The following PDE4D variants were observed in gnomAD, a reference collection of about 807,000 sequenced individuals.
The protein encoded by PDE4D is phosphodiesterase 4D.
In PDE4D, 24 loss-of-function variants were observed where a neutral mutation model predicts 87.4. The observed-to-expected ratio is 0.27, with a 90% CI of 0.20 to 0.39. The LOEUF (loss-of-function observed/expected upper bound fraction) is 0.39, where lower values mean the gene tolerates loss of function less well. PDE4D is among the 10% of genes least tolerant of loss of function. The pLI is 1.00. For synonymous variants in PDE4D, 384 were observed against 383.2 expected (o/e 1.00, Z -0.02); for missense variants, 714 against 1,041.0 (o/e 0.69, Z 4.32).
intron 1 of PDE4D, among the ~76,000 whole-genome samples, chr5:59,618,584 G>GA (rs557276858): frequency 6.6e-6 from 1 of 152,006 alleles, no homozygotes; most frequent in Admixed American, 6.6e-5. Context: ...TTATCCTCTA[G>GA]AAAAAAATGT....
intron 1 of PDE4D, among the ~76,000 whole-genome samples, chr5:60,417,285 G>A (rs564902573): frequency 6.6e-6 from 1 of 152,296 alleles, no homozygotes; most frequent in African/African-American, 2.4e-5. Context: ...GAGATTTAGT[G>A]TACCTCACCC....
At chr5:59,867,953 T>C (rs1747281921) in intron 1 of PDE4D, among the ~76,000 whole-genome samples, 1 of 152,212 alleles carries the variant, frequency 6.6e-6, no homozygotes, top group African/African-American at 2.4e-5. Context: ...AGGGGTTTAC[T>C]GGTCATGAGT....
intron 11 of PDE4D, among the ~76,000 whole-genome samples, chr5:58,984,724 A>G (rs1170702217): frequency 6.6e-6 from 1 of 152,222 alleles, no homozygotes; most frequent in Non-Finnish European, 1.5e-5. Flanking sequence ...CACTAATGTG[A>G]ATAAATCTTT....
intron 1 of PDE4D, among the ~76,000 whole-genome samples, chr5:60,359,238 C>T (rs2149949656): frequency 6.6e-6 from 1 of 152,254 alleles, no homozygotes; most frequent in South Asian, 2.1e-4. Context: ...AAAACCCCAT[C>T]TCCACCAAAA....
chr5:59,037,756 G>A (rs1055871672), intron 6 of PDE4D, among the ~76,000 whole-genome samples: 2 of 151,842 alleles, frequency 1.3e-5, no homozygotes, highest in Admixed American at 1.3e-4. Context: ...TAATAGATAA[G>A]ACAATCAAGT....
chr5:59,974,106 G>C (rs933517919), intron 3 of PDE4D, among the ~76,000 whole-genome samples: 1 of 152,154 alleles, frequency 6.6e-6, no homozygotes, highest in Non-Finnish European at 1.5e-5. Flanking sequence ...CCCGTTTACA[G>C]ACGAATGTTT....
At chr5:59,989,751 G>T (rs549985637) in intron 2 of PDE4D, among the ~76,000 whole-genome samples, 2 of 152,142 alleles carry the variant, frequency 1.3e-5, no homozygotes, top group Admixed American at 6.5e-5. Context: ...TTTCCAAATG[G>T]CTGGAAAGTC....
chr5:59,970,447 C>G (rs193196080), intron 3 of PDE4D, among the ~76,000 whole-genome samples: 2,117 of 152,192 alleles, frequency 0.014, 21 homozygotes, highest in South Asian at 0.023. Context: ...AAAATTTTCG[C>G]AACCTACTCA....
chr5:60,217,237 T>C (rs902669737), intron 1 of PDE4D, among the ~76,000 whole-genome samples: 3 of 151,694 alleles, frequency 2.0e-5, no homozygotes, highest in African/African-American at 7.3e-5. Flanking sequence ...TGGCAGGGGG[T>C]TGCCAGACAA....
chr5:60,521,924 C>G (rs1238736910), intron 1 of PDE4D: 2 of 131,222 alleles, frequency 1.5e-5, no homozygotes, highest in African/African-American at 6.4e-5. Context: ...CTTTGGGACT[C>G]TGACCTGCAG....
At chr5:59,169,249 G>A (rs999369494) in intron 5 of PDE4D, among the ~76,000 whole-genome samples, 2 of 152,016 alleles carry the variant, frequency 1.3e-5, no homozygotes, top group African/African-American at 4.8e-5. Context: ...TATTTTTTAA[G>A]GCTGAAATGG....
intron 2 of PDE4D, among the ~76,000 whole-genome samples, chr5:59,991,396 G>A (rs545661447): frequency 1.3e-5 from 2 of 152,278 alleles, no homozygotes; most frequent in East Asian, 1.9e-4. Context: ...TGATCCCAAT[G>A]CGGAGGGTTT....
chr5:60,439,230 A>G (rs1206776007), intron 1 of PDE4D, among the ~76,000 whole-genome samples: 1 of 152,144 alleles, frequency 6.6e-6, no homozygotes, highest in Non-Finnish European at 1.5e-5. Context: ...AAGCTCTTAT[A>G]ACTGCGGAAA....
At chr5:60,339,016 A>G (rs1454268522) in intron 1 of PDE4D, among the ~76,000 whole-genome samples, 2 of 152,102 alleles carry the variant, frequency 1.3e-5, no homozygotes, top group Non-Finnish European at 2.9e-5. Context: ...CACAAATTCA[A>G]TGCCTTTTTT....
intron 2 of PDE4D, among the ~76,000 whole-genome samples, chr5:60,078,565 T>G (rs920874322): frequency 1.3e-5 from 2 of 152,126 alleles, no homozygotes; most frequent in South Asian, 2.1e-4. Context: ...CAGGCCCTGG[T>G]GTGTGTTGTT....
rs532163307 is a variant in PDE4D, at chr5:59,159,051, G to T, written c.808+21544C>A. 2.0e-5 allele frequency among the ~76,000 whole-genome samples: 3 copies of T among 152,204 alleles called. No homozygotes were observed. In the South Asian group the frequency reaches 6.2e-4, roughly 32 times the overall value. On this transcript the variant is annotated intron_variant, in intron 5 of 14. Transcript: ENST00000340635. ...CTAAAGCATCTAAAGAGTGTTCAAG[G>T]CCCAACAAAAATACCATGTTTGCTG...
intron 1 of PDE4D, among the ~76,000 whole-genome samples, chr5:60,446,795 T>G (rs1293666823): frequency 6.6e-6 from 1 of 152,154 alleles, no homozygotes; most frequent in African/African-American, 2.4e-5. Flanking sequence ...ACAATGGACC[T>G]TGGTATGCCT....
intron 1 of PDE4D, among the ~76,000 whole-genome samples, chr5:59,886,922 G>GA (rs34893959): frequency 0.062 from 8,924 of 144,580 alleles, 332 homozygotes; most frequent in African/African-American, 0.11. Context: ...AGCCTGGGGT[G>GA]AAAAAAAAAA....
intron 2 of PDE4D, among the ~76,000 whole-genome samples, chr5:60,148,419 T>G (rs1781209261): frequency 6.6e-6 from 1 of 152,214 alleles, no homozygotes; most frequent in Non-Finnish European, 1.5e-5. Context: ...TTATTAGCAG[T>G]ATTCTAGAGA....
Sources: gnomAD v4.1 joint callset for allele counts (sites outside exome capture counted in the v4.1 genomes callset) on GRCh38, gnomAD v4.1.1 for gene constraint, MANE v1.5 for transcripts, NCBI Gene and HGNC (gene_info 2026-07-23, HGNC 2026-07-21) for gene names.